SORCS2: variants seen among roughly 807,000 people sequenced by gnomAD.
The protein encoded by SORCS2 is sortilin related VPS10 domain containing receptor 2.
SORCS2 carries 100 observed loss-of-function variants against 141.6 expected under a neutral mutation model. That is an observed-to-expected ratio of 0.71 (90% CI 0.60 to 0.83). SORCS2 has a LOEUF of 0.83. Ranked by LOEUF, SORCS2 falls within the 40% of genes least tolerant of loss-of-function variation. The pLI, the probability that SORCS2 is intolerant of heterozygous loss-of-function variation, is 0.00. For missense variants in SORCS2, 1,646 were observed against 1,560.2 expected (o/e 1.05, Z -0.93); for synonymous variants, 789 against 676.9 (o/e 1.17, Z -2.57).
chr4:7,367,637 A>G (rs1010610313), intron 1 of SORCS2, among the ~76,000 whole-genome samples: 1 of 152,322 alleles, frequency 6.6e-6, no homozygotes, highest in Middle Eastern at 3.4e-3. Flanking sequence ...ATTTGCCCCC[A>G]TGGGGAAGCC....
chr4:7,441,385 C>T (rs868021257), intron 2 of SORCS2, among the ~76,000 whole-genome samples: 2 of 152,164 alleles, frequency 1.3e-5, no homozygotes, highest in Middle Eastern at 3.4e-3. Flanking sequence ...CTGGCAGAGC[C>T]GGGCAGTGAG....
chr4:7,494,527 G>GAGAGAA (rs1553874370), intron 2 of SORCS2, among the ~76,000 whole-genome samples: 5 of 151,556 alleles, frequency 3.3e-5, no homozygotes, highest in Admixed American at 3.3e-4. Context: ...GAGAGAGAGA[G>GAGAGAA]AAAGCTCTCT....
chr4:7,604,275 C>T (rs1013518226), intron 3 of SORCS2, among the ~76,000 whole-genome samples: 1 of 152,156 alleles, frequency 6.6e-6, no homozygotes, highest in Non-Finnish European at 1.5e-5. Flanking sequence ...ATGCTGTTCT[C>T]GTGGTAGTGA....
chr4:7,490,518 G>A (rs1458221188), intron 2 of SORCS2, among the ~76,000 whole-genome samples: 3 of 106,664 alleles, frequency 2.8e-5, no homozygotes, highest in African/African-American at 4.2e-5. Context: ...CCACTGCCAG[G>A]GAGGTGGGGC....
intron 23 of SORCS2, among the ~76,000 whole-genome samples, chr4:7,731,488 C>T (rs1484482280): frequency 1.3e-5 from 2 of 152,066 alleles, no homozygotes; most frequent in African/African-American, 4.8e-5. Context: ...TATGGAACTA[C>T]AAAAGGCCTG....
chr4:7,507,191 T>TATTTATTTATTTATTTATTTATTTATTTA (rs1577672257), intron 2 of SORCS2, among the ~76,000 whole-genome samples: 1 of 152,026 alleles, frequency 6.6e-6, no homozygotes, highest in African/African-American at 2.4e-5. Flanking sequence ...TTTATTTATT[T>TATTTATTTATTTATTTATTTATTTATTTA]TTGAGAAGGA....
At chr4:7,232,497 TTCA>T (rs1711964210) in intron 1 of SORCS2, among the ~76,000 whole-genome samples, 2 of 152,172 alleles carry the variant, frequency 1.3e-5, no homozygotes, top group Admixed American at 1.3e-4. Context: ...ATTTATTCTT[TTCA>T]TCATCTCTAC....
At chr4:7,576,061 G>C (rs1715729676) in intron 3 of SORCS2, among the ~76,000 whole-genome samples, 1 of 152,226 alleles carries the variant, frequency 6.6e-6, no homozygotes, top group South Asian at 2.1e-4. Flanking sequence ...TCAGCAACTG[G>C]TGCACAGCTG....
chr4:7,207,018 C>G (rs1560110867), intron 1 of SORCS2, among the ~76,000 whole-genome samples: 1 of 152,096 alleles, frequency 6.6e-6, no homozygotes, highest in East Asian at 1.9e-4. Context: ...CTCACTCATC[C>G]ATCTATCTAC....
intron 3 of SORCS2, among the ~76,000 whole-genome samples, chr4:7,575,399 C>T (rs987164164): frequency 9.2e-5 from 14 of 152,120 alleles, no homozygotes; most frequent in Admixed American, 5.2e-4. Flanking sequence ...TTTTTCCATA[C>T]TAAGCCTTTG....
At chr4:7,556,333 A>G (rs1323851308) in intron 3 of SORCS2, among the ~76,000 whole-genome samples, 1 of 151,982 alleles carries the variant, frequency 6.6e-6, no homozygotes, top group Non-Finnish European at 1.5e-5. Flanking sequence ...GAGGCATCTG[A>G]GTGGGGAGCT....
intron 2 of SORCS2, among the ~76,000 whole-genome samples, chr4:7,415,080 A>G (rs1376627900): frequency 2.0e-5 from 3 of 152,242 alleles, no homozygotes; most frequent in African/African-American, 7.2e-5. Context: ...GAGTTAAAGT[A>G]AAAACGAGGT....
In SORCS2 at chr4:7,725,154, C is replaced by T. The variant is rs371892905; in HGVS notation, c.2612C>T (p.Ser871Phe). The change falls in exon 20 of 27, where the codon TCC becomes TTC. Residue 871 changes from serine to phenylalanine, a missense_variant and splice_region_variant. By Grantham distance (155) the Ser-to-Phe change is radical. Transcript: ENST00000507866. ...DEAVLFVQVN[S>F]PLQALYLEVV... ...CCCTGGCCTTTTTGGGTCCCCACAGCCCCCCTGCAGGCCCTCTACCTGGAG... is the reference window on the plus strand; with the variant it reads ...CCCTGGCCTTTTTGGGTCCCCACAGTCCCCCTGCAGGCCCTCTACCTGGAG... 2.8e-5 allele frequency: 45 copies of T among 1,612,172 alleles called. No homozygotes were observed. Among genetic ancestry groups the T allele is most frequent in the African/African-American group, 1.7e-4 (13 of 74,846 alleles).
At chr4:7,462,341 T>G (rs1224913067) in intron 2 of SORCS2, among the ~76,000 whole-genome samples, 1 of 152,204 alleles carries the variant, frequency 6.6e-6, no homozygotes, top group Non-Finnish European at 1.5e-5. Context: ...CTTGTTCATC[T>G]ATGTAATGGG....
At chr4:7,693,358 C>T (rs542735978) in intron 11 of SORCS2, among the ~76,000 whole-genome samples, 2 of 152,356 alleles carry the variant, frequency 1.3e-5, no homozygotes, top group East Asian at 3.9e-4. Context: ...GGCCAGCTGC[C>T]TCCCACCACC....
At chr4:7,403,898 C>G (rs981154411) in intron 2 of SORCS2, among the ~76,000 whole-genome samples, 2 of 142,718 alleles carry the variant, frequency 1.4e-5, no homozygotes, top group Admixed American at 1.4e-4. Flanking sequence ...AATACTCCAC[C>G]CCCCCGTACC....
chr4:7,545,968 G>A (rs1259166946), intron 3 of SORCS2, among the ~76,000 whole-genome samples: 1 of 152,192 alleles, frequency 6.6e-6, no homozygotes, highest in Non-Finnish European at 1.5e-5. Context: ...ACAGGTGGCT[G>A]CCTTCTCGTT....
chr4:7,473,973 A>G (rs1730137587), intron 2 of SORCS2, among the ~76,000 whole-genome samples: 1 of 152,150 alleles, frequency 6.6e-6, no homozygotes, highest in African/African-American at 2.4e-5. Flanking sequence ...TAAAAACTTC[A>G]TCCGGTGTCC....
At chr4:7,213,256 T>G (rs188821327) in intron 1 of SORCS2, among the ~76,000 whole-genome samples, 57 of 136,766 alleles carry the variant, frequency 4.2e-4, no homozygotes, top group African/African-American at 1.6e-3. Flanking sequence ...CTTGTGCCAT[T>G]TTTAGTCACT....
Sources: allele counts gnomAD v4.1 joint callset (sites outside exome capture counted in the v4.1 genomes callset), GRCh38; gene constraint gnomAD v4.1.1; transcripts MANE v1.5; gene names NCBI Gene and HGNC (gene_info 2026-07-23, HGNC 2026-07-21).